The following PKHD1 variants were observed in gnomAD, a reference collection of about 807,000 sequenced individuals.
PKHD1 encodes the protein PKHD1 ciliary IPT domain containing fibrocystin/polyductin.
In PKHD1, 291 loss-of-function variants were observed where a neutral mutation model predicts 412.0. That is an observed-to-expected ratio of 0.71 (90% CI 0.64 to 0.78). The LOEUF is 0.78. Among genes scored for constraint, PKHD1 ranks in the 30% least tolerant of loss-of-function variants. The probability of loss-of-function intolerance (pLI) is 0.00; values close to 1 mark genes in which losing one functional copy is unlikely to be tolerated. For missense variants in PKHD1, 4,825 were observed against 4,950.7 expected (o/e 0.97, Z 0.76); for synonymous variants, 1,777 against 1,821.5 (o/e 0.98, Z 0.62).
rs1766269889 is a variant in PKHD1, at chr6:51,618,913, G to C, written c.*168C>G. Reference sequence around the variant, plus strand: ...ATATGTATGAGACATTTTTCAGTCTGTAAGCATTTATATGACTGTTTTCCA... The same window carrying C: ...ATATGTATGAGACATTTTTCAGTCTCTAAGCATTTATATGACTGTTTTCCA... On this transcript the variant is annotated 3_prime_UTR_variant, in exon 67 of 67. Coordinates refer to ENST00000371117, the MANE Select transcript of PKHD1 (RefSeq NM_138694.4). 2.9e-6 allele frequency: 2 copies of C among 683,890 alleles called. No homozygotes were observed. Among genetic ancestry groups the C allele is most frequent in the African/African-American group, 1.8e-5 (1 of 56,084 alleles). 42.4% of individuals were successfully genotyped at this position (683,890 alleles called of 1,614,324 possible).
At chr6:51,736,439 A>G (rs906462818) in intron 60 of PKHD1, among the ~76,000 whole-genome samples, 16 of 152,174 alleles carry the variant, frequency 1.1e-4, no homozygotes, top group African/African-American at 3.6e-4. Flanking sequence ...ACGATGTACC[A>G]CTAGAAGCCG....
At chr6:51,776,133 A>G (rs1790986132) in intron 53 of PKHD1, among the ~76,000 whole-genome samples, 1 of 151,778 alleles carries the variant, frequency 6.6e-6, no homozygotes, top group African/African-American at 2.4e-5. Flanking sequence ...CCAGGTATTC[A>G]CTCTTCTTTC....
chr6:51,914,835 C>CGCTCGTGTCCTTGCTTCTTTCT (rs1328890782), intron 37 of PKHD1, among the ~76,000 whole-genome samples: 4 of 152,138 alleles, frequency 2.6e-5, no homozygotes, highest in African/African-American at 9.6e-5. Flanking sequence ...TCGTCCTTTC[C>CGCTCGTGTCCTTGCTTCTTTCT]GCTCATGTCC....
intron 60 of PKHD1, among the ~76,000 whole-genome samples, chr6:51,662,575 A>C (rs2150434929): frequency 6.6e-6 from 1 of 152,086 alleles, no homozygotes. Flanking sequence ...AAAGGAAATA[A>C]TCAATATGAT....
At chr6:51,925,149 A>G (rs1785325726) in intron 37 of PKHD1, among the ~76,000 whole-genome samples, 1 of 152,224 alleles carries the variant, frequency 6.6e-6, no homozygotes. Flanking sequence ...ATGACGGAGC[A>G]AAGTCAAGCT....
chr6:51,887,551 C>T (rs1778417805), intron 43 of PKHD1, among the ~76,000 whole-genome samples: 1 of 152,218 alleles, frequency 6.6e-6, no homozygotes, highest in South Asian at 2.1e-4. Context: ...GCACTGTCCC[C>T]CCTTAGTACT....
chr6:51,890,644 G>C (rs374749894), intron 43 of PKHD1, among the ~76,000 whole-genome samples: 3 of 152,060 alleles, frequency 2.0e-5, no homozygotes, highest in Non-Finnish European at 2.9e-5. Context: ...TAACTAAGGA[G>C]TTGCTCTTTT....
rs1773245685 is a variant in PKHD1 at position 51,856,027 on chromosome 6, T to G, written c.7777A>C (p.Ser2593Arg). 6.2e-7 allele frequency: 1 copy of G among 1,608,972 alleles called. No individual in the cohort carries two copies. The highest frequency in any genetic ancestry group is 8.5e-7 in the Non-Finnish European group (1 of 1,175,452). Reference sequence around the variant, plus strand: ...TTGACAGTGGTTGTTTTATTTCTGCTGTCAGTCATGGTTAAATCATAAGAA... The same window carrying G: ...TTGACAGTGGTTGTTTTATTTCTGCGGTCAGTCATGGTTAAATCATAAGAA... ...EVSYDLTMTD[S>R]RNKTTTVNYV... The change falls in exon 49 of 67, where the codon AGC becomes CGC. Residue 2593 changes from serine to arginine, a missense_variant. By Grantham distance (110) the Ser-to-Arg change is moderately radical (BLOSUM62 -1). Coordinates refer to ENST00000371117, the MANE Select transcript of PKHD1 (RefSeq NM_138694.4).
rs192856304 is a variant in PKHD1, at chr6:51,712,971, C to T, written c.10156+31414G>A. ...GTTATCTAACTAAATCAGATATAGACGGAAATCAGTTTCATATGTATCTCC... is the reference window on the plus strand; with the variant it reads ...GTTATCTAACTAAATCAGATATAGATGGAAATCAGTTTCATATGTATCTCC... On this transcript the variant is annotated intron_variant, in intron 60 of 66. Transcript: ENST00000371117. Among the ~76,000 whole-genome samples, 193 of 152,224 alleles carry T rather than the reference C, an allele frequency of 1.3e-3. 1 individual carries two copies. Among genetic ancestry groups the T allele is most frequent in the African/African-American group, 4.3e-3 (180 of 41,532 alleles).
At chr6:51,713,929 T>C (rs1780939719) in intron 60 of PKHD1, among the ~76,000 whole-genome samples, 1 of 152,174 alleles carries the variant, frequency 6.6e-6, no homozygotes, top group South Asian at 2.1e-4. Context: ...CTGTAGACTC[T>C]TCTTCTTCAG....
At chr6:51,791,657 C>G (rs1363054590) in intron 52 of PKHD1, among the ~76,000 whole-genome samples, 1 of 152,202 alleles carries the variant, frequency 6.6e-6, no homozygotes, top group Non-Finnish European at 1.5e-5. Flanking sequence ...TGGAAACACA[C>G]AGATCGAATG....
chr6:51,709,657 G>A (rs1780411160), intron 60 of PKHD1, among the ~76,000 whole-genome samples: 1 of 152,120 alleles, frequency 6.6e-6, no homozygotes, highest in Non-Finnish European at 1.5e-5. Context: ...GGAATATTAT[G>A]ATTGAAATAG....
chr6:51,882,297 C>G (rs776994815), intron 46 of PKHD1, among the ~76,000 whole-genome samples: 4 of 151,906 alleles, frequency 2.6e-5, no homozygotes, highest in African/African-American at 9.7e-5. Context: ...AAGTATAGTT[C>G]AAAGGAGATT....
At chr6:51,985,844 A>T (rs1322570995) in intron 35 of PKHD1, among the ~76,000 whole-genome samples, 2 of 152,218 alleles carry the variant, frequency 1.3e-5, no homozygotes, top group African/African-American at 4.8e-5. Flanking sequence ...TATTTAAGGG[A>T]TACATGTGAT....
intron 60 of PKHD1, among the ~76,000 whole-genome samples, chr6:51,737,060 C>A (rs919196014): frequency 4.6e-5 from 7 of 152,028 alleles, no homozygotes. Context: ...TGATTTGAGG[C>A]CAGTCACTTT....
intron 60 of PKHD1, among the ~76,000 whole-genome samples, chr6:51,686,425 C>T (rs1169337843): frequency 2.6e-5 from 4 of 152,154 alleles, no homozygotes; most frequent in African/African-American, 9.6e-5. Context: ...GGGGACTCTG[C>T]CAAGGCAGAT....
chr6:51,786,759 G>C (rs995250136), intron 53 of PKHD1, among the ~76,000 whole-genome samples: 2 of 152,090 alleles, frequency 1.3e-5, no homozygotes, highest in Non-Finnish European at 2.9e-5. Context: ...GAAAGTTCAG[G>C]TTCATGATTT....
chr6:51,904,447 C>T (rs2474898), intron 41 of PKHD1, among the ~76,000 whole-genome samples: 57,424 of 151,884 alleles, frequency 0.38, 11,698 homozygotes, highest in East Asian at 0.75. Flanking sequence ...GACCTTCTCA[C>T]CCAAACCACT....
chr6:51,685,578 G>T (rs1176746424), intron 60 of PKHD1, among the ~76,000 whole-genome samples: 3 of 152,024 alleles, frequency 2.0e-5, no homozygotes, highest in Non-Finnish European at 4.4e-5. Context: ...TTCTGAGATT[G>T]GTCCCTTTCG....
Sources: gnomAD v4.1 joint callset for allele counts (sites outside exome capture counted in the v4.1 genomes callset) on GRCh38, gnomAD v4.1.1 for gene constraint, MANE v1.5 for transcripts, NCBI Gene and HGNC (gene_info 2026-07-23, HGNC 2026-07-21) for gene names.